Variants in KCNH7 observed in about 807,000 individuals in gnomAD.
KCNH7 encodes voltage-gated inwardly rectifying potassium channel KCNH7.
A neutral mutation model predicts 120.8 loss-of-function variants in KCNH7; 49 were observed. The ratio of observed to expected loss-of-function variants is 0.41; its 90% CI spans 0.32 to 0.51. KCNH7 has a LOEUF of 0.51. Ranked by LOEUF, KCNH7 falls within the 20% of genes least tolerant of loss-of-function variation. KCNH7 has a pLI of 0.38. For missense variants in KCNH7, 1,097 were observed against 1,446.6 expected (o/e 0.76, Z 3.92); for synonymous variants, 547 against 516.1 (o/e 1.06, Z -0.81).
intron 6 of KCNH7, among the ~76,000 whole-genome samples, chr2:162,457,195 A>C (rs1688993419): frequency 6.6e-6 from 1 of 152,140 alleles, no homozygotes; most frequent in Non-Finnish European, 1.5e-5. Context: ...CAATGACTAA[A>C]AAGGAAAAAA....
intron 2 of KCNH7, among the ~76,000 whole-genome samples, chr2:162,655,530 T>C (rs1312504280): frequency 6.6e-6 from 1 of 152,238 alleles, no homozygotes; most frequent in East Asian, 1.9e-4. Context: ...CTCACGCCTG[T>C]AATCCCAGCA....
At chr2:162,550,026 G>A (rs528821884) in intron 2 of KCNH7, among the ~76,000 whole-genome samples, 3 of 152,298 alleles carry the variant, frequency 2.0e-5, no homozygotes, top group African/African-American at 7.2e-5. Context: ...TATATGGAAG[G>A]CTTCCCAGAG....
intron 6 of KCNH7, among the ~76,000 whole-genome samples, chr2:162,485,405 A>G (rs919124800): frequency 2.0e-5 from 3 of 152,152 alleles, no homozygotes; most frequent in African/African-American, 7.2e-5. Context: ...AATTGCTTTC[A>G]AGTAATAAGT....
At chr2:162,463,748 A>G (rs929873030) in intron 6 of KCNH7, among the ~76,000 whole-genome samples, 1 of 151,436 alleles carries the variant, frequency 6.6e-6, no homozygotes, top group Non-Finnish European at 1.5e-5. Context: ...TTGTAGGCAT[A>G]TTGATTACTA....
chr2:162,791,915 G>A (rs1683960628), intron 2 of KCNH7, among the ~76,000 whole-genome samples: 2 of 151,954 alleles, frequency 1.3e-5, no homozygotes, highest in Non-Finnish European at 2.9e-5. Flanking sequence ...CTGAATGTGG[G>A]TTTGCCATAG....
At chr2:162,710,394 A>G (rs1686885770) in intron 2 of KCNH7, among the ~76,000 whole-genome samples, 1 of 152,154 alleles carries the variant, frequency 6.6e-6, no homozygotes, top group Admixed American at 6.6e-5. Flanking sequence ...TGATCTGCTA[A>G]TGACCCAAGC....
At position 162,574,569 on chromosome 2, in the gene KCNH7, G is replaced by T. The variant is rs4318401; in HGVS notation, c.308-37489C>A. 2.0e-5 allele frequency among the ~76,000 whole-genome samples: 3 copies of T among 152,192 alleles called. No individual in the cohort carries two copies. The South Asian group carries it at 6.2e-4, about 32-fold the overall frequency. The stretch of plus-strand genomic sequence containing the variant: ...ACTTTCTGAAACTGCTTAGAGCCAA[G>T]AGTTTTTGGGTTTTCATGTAAGTAT... On this transcript the variant is annotated intron_variant, in intron 2 of 15. Transcript: ENST00000332142.
chr2:162,490,889 G>A (rs1000123333), intron 6 of KCNH7, among the ~76,000 whole-genome samples: 1 of 152,236 alleles, frequency 6.6e-6, no homozygotes, highest in Non-Finnish European at 1.5e-5. Flanking sequence ...ATGCAATTCA[G>A]GATAATGTGA....
At chr2:162,776,059 T>C (rs1683223763) in intron 2 of KCNH7, among the ~76,000 whole-genome samples, 2 of 152,214 alleles carry the variant, frequency 1.3e-5, no homozygotes, top group Admixed American at 1.3e-4. Context: ...CTGTCAATTA[T>C]TAGTAAAGCT....
chr2:162,522,629 AT>A (rs958143828), intron 3 of KCNH7, among the ~76,000 whole-genome samples: 2 of 151,892 alleles, frequency 1.3e-5, no homozygotes, highest in Non-Finnish European at 2.9e-5. Context: ...ATTATATTTG[AT>A]TTCTAACTTG....
intron 2 of KCNH7, among the ~76,000 whole-genome samples, chr2:162,549,753 A>G (rs1692605409): frequency 6.6e-6 from 1 of 152,198 alleles, no homozygotes; most frequent in South Asian, 2.1e-4. Flanking sequence ...TTAATTTCCT[A>G]GATTCATTTT....
chr2:162,552,642 G>A (rs368812812), intron 2 of KCNH7, among the ~76,000 whole-genome samples: 1 of 152,324 alleles, frequency 6.6e-6, no homozygotes, highest in East Asian at 1.9e-4. Flanking sequence ...AGAATCACAG[G>A]AGACTTTTAA....
intron 2 of KCNH7, among the ~76,000 whole-genome samples, chr2:162,783,387 A>C (rs908288690): frequency 1.3e-5 from 2 of 152,200 alleles, no homozygotes; most frequent in African/African-American, 4.8e-5. Context: ...ATTTGCTTCA[A>C]CATTTGATAA....
chr2:162,615,880 A>G (rs1482668837), intron 2 of KCNH7, among the ~76,000 whole-genome samples: 1 of 152,198 alleles, frequency 6.6e-6, no homozygotes, highest in Non-Finnish European at 1.5e-5. Context: ...TGGCAAGAGA[A>G]GTACAACTTT....
chr2:162,423,202 AG>A, intron 9 of KCNH7, 133 bp downstream of exon 9: 1 of 1,553,618 alleles, frequency 6.4e-7, no homozygotes, highest in Non-Finnish European at 8.7e-7. Context: ...GACTATCTCC[AG>A]GGGAGAAAAT....
At chr2:162,607,654 A>T (rs1377332370) in intron 2 of KCNH7, among the ~76,000 whole-genome samples, 3 of 152,194 alleles carry the variant, frequency 2.0e-5, no homozygotes, top group African/African-American at 7.2e-5. Context: ...AGAGAAATTA[A>T]CAAGTAATCA....
At chr2:162,615,216 C>T (rs1683104839) in intron 2 of KCNH7, among the ~76,000 whole-genome samples, 1 of 152,130 alleles carries the variant, frequency 6.6e-6, no homozygotes, top group Non-Finnish European at 1.5e-5. Flanking sequence ...GAGCCTGTAG[C>T]CAATCACGGA....
chr2:162,564,139 T>G (rs1229553964), intron 2 of KCNH7, among the ~76,000 whole-genome samples: 1 of 152,190 alleles, frequency 6.6e-6, no homozygotes, highest in Non-Finnish European at 1.5e-5. Context: ...ATTATTTTTT[T>G]AAGTCACTGA....
At chr2:162,405,241 G>A (rs1032408198) in intron 9 of KCNH7, among the ~76,000 whole-genome samples, 6 of 151,866 alleles carry the variant, frequency 4.0e-5, no homozygotes, top group Non-Finnish European at 8.8e-5. Context: ...GACTTTCAAA[G>A]TTACTTCGTG....
Sources: gnomAD v4.1 joint callset for allele counts (sites outside exome capture counted in the v4.1 genomes callset) on GRCh38, gnomAD v4.1.1 for gene constraint, MANE v1.5 for transcripts, NCBI Gene and HGNC (gene_info 2026-07-23, HGNC 2026-07-21) for gene names.